The following POLA1 variants were observed in gnomAD, a reference collection of about 807,000 sequenced individuals.
POLA1 encodes DNA polymerase alpha catalytic subunit.
A neutral mutation model predicts 124.0 loss-of-function variants in POLA1; 15 were observed. The ratio of observed to expected loss-of-function variants is 0.12; its 90% CI spans 0.08 to 0.19. The LOEUF (loss-of-function observed/expected upper bound fraction) is 0.19. Among genes scored for constraint, POLA1 ranks in the 10% least tolerant of loss-of-function variants. The pLI is 1.00. For missense variants in POLA1, 886 were observed against 1,103.4 expected, an observed-to-expected ratio of 0.80 and a Z score of 2.79; for synonymous variants, 408 against 389.4, an observed-to-expected ratio of 1.05 and a Z score of -0.56.
chrX:24,806,213 G>A (rs2045798726), intron 26 of POLA1, among the ~76,000 whole-genome samples: 1 of 105,252 alleles, frequency 9.5e-6, no homozygotes, highest in Admixed American at 1.0e-4. Context: ...TCATTTGTCA[G>A]TTGGGATTTA....
chrX:24,922,899 T>C (rs943788928), intron 35 of POLA1, among the ~76,000 whole-genome samples: 12 of 112,371 alleles, frequency 1.1e-4, no homozygotes, highest in Admixed American at 3.8e-4. Context: ...TTGTTTCTTC[T>C]GGTTTGAAAT....
chrX:24,814,894 T>A (rs2045966088), intron 29 of POLA1, 85 bp from the exon 30 acceptor site: 1 of 860,297 alleles, frequency 1.2e-6, no homozygotes, highest in African/African-American at 2.1e-5. Flanking sequence ...CTAATGGCAT[T>A]TCTCTTCCTT....
rs2045923819 is a variant in POLA1, at chrX:24,812,700, G to C, written c.3133G>C (p.Asp1045His). ...VNKLYKLLEI[D>H]IDGVFKSLLL... ...TAAGTTGTACAAACTGCTTGAAATAGACATTGATGGGGTTTTCAAGTCTCT... is the reference window on the plus strand; with the variant it reads ...TAAGTTGTACAAACTGCTTGAAATACACATTGATGGGGTTTTCAAGTCTCT... The change falls in exon 29 of 37, where the codon GAC (aspartate) becomes CAC (histidine). Residue 1045 changes from aspartate (D) to histidine (H), a missense_variant. Around this residue, in one of 7 missense-constraint regions of POLA1, gnomAD observed 313 missense variants for 359.7 expected, o/e 0.87. Transcript: ENST00000379068. 4.2e-6 allele frequency: 5 copies of C among 1,202,990 alleles called. No individual in the cohort carries two copies. The East Asian group carries it at 1.5e-4, about 36-fold the overall frequency.
intron 36 of POLA1, among the ~76,000 whole-genome samples, chrX:24,943,355 G>A (rs952294534): frequency 5.3e-5 from 6 of 112,317 alleles, no homozygotes; most frequent in Admixed American, 1.9e-4. Context: ...CGAAAAAAAT[G>A]TAAAAATGTT....
intron 26 of POLA1, among the ~76,000 whole-genome samples, chrX:24,804,032 C>T (rs2045761506): frequency 9.6e-6 from 1 of 104,161 alleles, no homozygotes. Context: ...TTATTCTTAC[C>T]TAGCTCAGGG....
At chrX:24,994,811 T>A (rs2048582915) in intron 36 of POLA1, among the ~76,000 whole-genome samples, 1 of 111,502 alleles carries the variant, frequency 9.0e-6, no homozygotes, top group African/African-American at 3.3e-5. Context: ...ACCAGGTTCC[T>A]GAACACAGCG....
chrX:24,922,613 A>G (rs2047634447), intron 35 of POLA1, among the ~76,000 whole-genome samples: 1 of 111,426 alleles, frequency 9.0e-6, no homozygotes, highest in African/African-American at 3.3e-5. Flanking sequence ...GAAGCCCCTG[A>G]GGCCCACAAA....
chrX:24,709,025 C>T (rs1303447678), intron 4 of POLA1, among the ~76,000 whole-genome samples: 1 of 98,616 alleles, frequency 1.0e-5, no homozygotes, highest in African/African-American at 3.5e-5. Flanking sequence ...GCTGACCCCC[C>T]CCACCTCCCT....
At chrX:24,790,534 A>T (rs1184458451) in intron 26 of POLA1, among the ~76,000 whole-genome samples, 1 of 110,974 alleles carries the variant, frequency 9.0e-6, no homozygotes, top group African/African-American at 3.3e-5. Flanking sequence ...GTTGACGTCC[A>T]TCTCCCTGGA....
chrX:24,827,485 T>C (rs748657511), intron 32 of POLA1, among the ~76,000 whole-genome samples: 7 of 112,365 alleles, frequency 6.2e-5, no homozygotes, highest in Non-Finnish European at 1.1e-4. Flanking sequence ...GACTTAACTT[T>C]CCAGCTCCCA....
At chrX:24,799,220 A>G (rs2045663790) in intron 26 of POLA1, among the ~76,000 whole-genome samples, 1 of 112,275 alleles carries the variant, frequency 8.9e-6, no homozygotes, top group Non-Finnish European at 1.9e-5. Flanking sequence ...GGAGCTTTCT[A>G]GAGATCAGAA....
chrX:24,750,206 A>G (rs1018919469), intron 26 of POLA1, among the ~76,000 whole-genome samples: 3 of 112,339 alleles, frequency 2.7e-5, no homozygotes, highest in Non-Finnish European at 3.8e-5. Flanking sequence ...AAAGCCTGAT[A>G]TATTTACTCT....
At chrX:24,783,088 C>A (rs1250083350) in intron 26 of POLA1, among the ~76,000 whole-genome samples, 1 of 109,269 alleles carries the variant, frequency 9.2e-6, no homozygotes, top group East Asian at 2.9e-4. Context: ...ATTGTTCCTT[C>A]AGTTATTGTC....
chrX:24,710,190 C>T (rs1489489171), intron 4 of POLA1, among the ~76,000 whole-genome samples: 5 of 109,093 alleles, frequency 4.6e-5, no homozygotes, highest in Non-Finnish European at 9.5e-5. Flanking sequence ...AGTATATTCA[C>T]AATGTTTGCA....
At chrX:24,712,605 C>A (rs185673963) in intron 4 of POLA1, among the ~76,000 whole-genome samples, 63 of 110,690 alleles carry the variant, frequency 5.7e-4, no homozygotes, top group Admixed American at 1.5e-3. Flanking sequence ...CTTGGTTTTT[C>A]TTTTTACACC....
chrX:24,880,165 A>C (rs2046984610), intron 34 of POLA1, among the ~76,000 whole-genome samples: 1 of 112,032 alleles, frequency 8.9e-6, no homozygotes, highest in Non-Finnish European at 1.9e-5. Flanking sequence ...GTTTGCATCC[A>C]ACCTATCATA....
chrX:24,851,543 A>G (rs2046561872), intron 34 of POLA1, among the ~76,000 whole-genome samples: 1 of 113,296 alleles, frequency 8.8e-6, no homozygotes, highest in Admixed American at 9.3e-5. Context: ...AAGGCTGATG[A>G]TAGCCATCCA....
At chrX:24,714,377 C>G (rs1351359339) in intron 4 of POLA1, among the ~76,000 whole-genome samples, 177 bp from the exon 5 acceptor site, 1 of 112,228 alleles carries the variant, frequency 8.9e-6, no homozygotes, top group East Asian at 2.8e-4. Flanking sequence ...AGGATGGTCT[C>G]GATCTCCTGA....
At chrX:24,823,055 T>C (rs764590988) in intron 31 of POLA1, among the ~76,000 whole-genome samples, 13 of 112,170 alleles carry the variant, frequency 1.2e-4, no homozygotes, top group Non-Finnish European at 2.4e-4. Flanking sequence ...TTAAGGTTCC[T>C]TTTTCTCAGG....
Sources: gnomAD v4.1 joint callset for allele counts (sites outside exome capture counted in the v4.1 genomes callset) on GRCh38, gnomAD v4.1.1 for gene constraint, gnomAD v4.1.1 regional missense constraint, MANE v1.5 for transcripts, NCBI Gene and HGNC (gene_info 2026-07-23, HGNC 2026-07-21) for gene names.